Variants in STK24 observed in about 807,000 individuals in gnomAD.
STK24 encodes serine/threonine kinase 24, also known as serine/threonine-protein kinase 24.
STK24 carries 21 observed loss-of-function variants against 55.6 expected under a neutral mutation model. The ratio of observed to expected loss-of-function variants is 0.38; its 90% confidence interval spans 0.27 to 0.54. The LOEUF is 0.54. Ranked by LOEUF, STK24 falls within the 20% of genes least tolerant of loss-of-function variation. The pLI, the probability that STK24 is intolerant of heterozygous loss-of-function variation, is 0.79. For missense variants in STK24, 383 were observed against 538.4 expected (o/e 0.71, Z 2.86); for synonymous variants, 200 against 215.2 (o/e 0.93, Z 0.62).
chr13:98,475,211 T>A, intron 4 of STK24, 39 bp downstream of exon 4: 1 of 1,553,822 alleles, frequency 6.4e-7, no homozygotes, highest in Non-Finnish European at 8.8e-7. Flanking sequence ...CACCACCACC[T>A]TCAGTATTTC....
chr13:98,520,907 T>C, intron 1 of STK24, among the ~76,000 whole-genome samples: 1 of 152,250 alleles, frequency 6.6e-6, no homozygotes, highest in South Asian at 2.1e-4. Context: ...CATGTTTGTT[T>C]GAGGCTGCAC....
At chr13:98,574,847 CAA>C (rs36092997) in intron 1 of STK24, among the ~76,000 whole-genome samples, 2 of 148,174 alleles carry the variant, frequency 1.3e-5, no homozygotes, top group Non-Finnish European at 3.0e-5. Context: ...CTGACCCACT[CAA>C]AAAAAAAAGT....
chr13:98,539,640 A>AC (rs1896831744), intron 1 of STK24, among the ~76,000 whole-genome samples: 1 of 152,146 alleles, frequency 6.6e-6, no homozygotes. Flanking sequence ...CTCTTATGTT[A>AC]CCTCAGAATT....
At chr13:98,560,205 C>T (rs1049233318) in intron 1 of STK24, among the ~76,000 whole-genome samples, 15 of 152,204 alleles carry the variant, frequency 9.9e-5, no homozygotes, top group Non-Finnish European at 2.1e-4. Flanking sequence ...CTCCAGTCCT[C>T]GTGGGTCACT....
intron 1 of STK24, chr13:98,576,070 G>GCCGGGC (rs1288266096): frequency 3.3e-5 from 32 of 984,126 alleles, no homozygotes; most frequent in Non-Finnish European, 3.6e-5. Flanking sequence ...GGGTCCCGGG[G>GCCGGGC]CCGGGCCCGG....
intron 2 of STK24, among the ~76,000 whole-genome samples, chr13:98,510,863 G>A (rs574609146): frequency 9.9e-4 from 151 of 152,300 alleles, no homozygotes; most frequent in African/African-American, 3.2e-3. Context: ...CTCTTGAATT[G>A]TATATTTTAA....
chr13:98,446,595 C>G lies in STK24; in HGVS notation c.*6578G>C, dbSNP rs976220984. 1.1e-5 allele frequency: 16 copies of G among 1,518,402 alleles called. No individual in the cohort carries two copies. Among genetic ancestry groups the G allele is most frequent in the Non-Finnish European group, 1.4e-5 (15 of 1,102,878 alleles). The allele number at this position is 1,518,402 out of a possible 1,614,324, so 94.1% of individuals were successfully genotyped here. ...TGGGCTCCCAAGTCCCTGTCTGATG[C>G]GGGGCAGCAGCCAGGCCCAGCAGCA... On this transcript the variant is annotated 3_prime_UTR_variant, in exon 11 of 11. Coordinates refer to ENST00000539966, the MANE Select transcript of STK24 (RefSeq NM_001032296.4).
intron 1 of STK24, among the ~76,000 whole-genome samples, chr13:98,561,941 C>T (rs1897432372): frequency 7.2e-6 from 1 of 139,834 alleles, no homozygotes; most frequent in Admixed American, 7.6e-5. Flanking sequence ...CCCACCATTG[C>T]ACTCCAGCCT....
chr13:98,501,919 G>A (rs554169584), intron 2 of STK24, among the ~76,000 whole-genome samples: 124 of 152,000 alleles, frequency 8.2e-4, no homozygotes, highest in South Asian at 4.0e-3. Context: ...CCAATTCCTC[G>A]CCCTCTGACC....
At chr13:98,558,826 C>T (rs1357515725) in intron 1 of STK24, among the ~76,000 whole-genome samples, 1 of 151,902 alleles carries the variant, frequency 6.6e-6, no homozygotes, top group Admixed American at 6.6e-5. Flanking sequence ...CTTCTTTTTG[C>T]ATCAAACAAT....
chr13:98,521,307 A>G (rs1025779275), intron 1 of STK24, among the ~76,000 whole-genome samples: 1 of 152,180 alleles, frequency 6.6e-6, no homozygotes, highest in Non-Finnish European at 1.5e-5. Context: ...AATTGTTTTC[A>G]GTCACGGCAC....
At chr13:98,539,480 C>A (rs1422497712) in intron 1 of STK24, among the ~76,000 whole-genome samples, 4 of 79,080 alleles carry the variant, frequency 5.1e-5, no homozygotes, top group Admixed American at 4.2e-4. Context: ...CACAAGTCAG[C>A]AAAGCAAAGT....
intron 7 of STK24, 44 bp from the exon 8 acceptor site, chr13:98,461,941 T>G (rs1893723894): frequency 1.2e-6 from 2 of 1,606,460 alleles, no homozygotes; most frequent in South Asian, 2.2e-5. Flanking sequence ...CTCGCACACC[T>G]GCTCTGGGGG....
At chr13:98,542,917 C>A in intron 1 of STK24, 2 of 985,460 alleles carry the variant, frequency 2.0e-6, no homozygotes, top group African/African-American at 3.5e-5. Context: ...CGCGGCCTGA[C>A]AGGAACGGGT....
At chr13:98,467,473 G>T (rs1893967854) in intron 5 of STK24, among the ~76,000 whole-genome samples, 2 of 152,150 alleles carry the variant, frequency 1.3e-5, no homozygotes, top group Admixed American at 1.3e-4. Context: ...GGGTACAACT[G>T]ACTGCCAGGT....
chr13:98,503,610 A>G (rs1394488983), intron 2 of STK24, among the ~76,000 whole-genome samples: 1 of 152,236 alleles, frequency 6.6e-6, no homozygotes, highest in African/African-American at 2.4e-5. Context: ...CGTGGAAAGG[A>G]GAAGCACATG....
At chr13:98,469,280 G>A (rs1894045192) in intron 5 of STK24, among the ~76,000 whole-genome samples, 1 of 152,194 alleles carries the variant, frequency 6.6e-6, no homozygotes, top group African/African-American at 2.4e-5. Context: ...CAGGCGCGGT[G>A]GCTCACGCCT....
chr13:98,557,348 C>G (rs1348467158), intron 1 of STK24, among the ~76,000 whole-genome samples: 1 of 152,232 alleles, frequency 6.6e-6, no homozygotes, highest in African/African-American at 2.4e-5. Context: ...AATTCCTTAT[C>G]TACATAGGAT....
At chr13:98,543,581 G>C (rs1161238404) in intron 1 of STK24, among the ~76,000 whole-genome samples, 1 of 152,164 alleles carries the variant, frequency 6.6e-6, no homozygotes, top group African/African-American at 2.4e-5. Flanking sequence ...CGAAGACGCG[G>C]GTCTGATCGC....
Sources: gnomAD v4.1 joint callset for allele counts (sites outside exome capture counted in the v4.1 genomes callset) on GRCh38, gnomAD v4.1.1 for gene constraint, MANE v1.5 for transcripts, NCBI Gene and HGNC (gene_info 2026-07-23, HGNC 2026-07-21) for gene names.